KMT2C: variants seen among roughly 807,000 people sequenced by gnomAD.
KMT2C encodes histone-lysine N-methyltransferase 2C.
Under a neutral mutation model 507.9 loss-of-function variants are expected in KMT2C, and 88 were observed. The ratio of observed to expected loss-of-function variants is 0.17; its 90% CI spans 0.15 to 0.21. KMT2C has a LOEUF of 0.21. KMT2C is among the 10% of genes least tolerant of loss of function. KMT2C has a pLI of 1.00. For synonymous variants in KMT2C, 2,049 were observed against 2,080.8 expected (o/e 0.98, Z 0.42); for missense variants, 4,954 against 5,957.8 (o/e 0.83, Z 5.55).
At chr7:152,169,432 T>C (rs1468756680) in intron 40 of KMT2C, among the ~76,000 whole-genome samples, 183 bp from the exon 41 acceptor site, 6 of 152,220 alleles carry the variant, frequency 3.9e-5, no homozygotes, top group Non-Finnish European at 5.9e-5. Flanking sequence ...TAATTCTGAA[T>C]TCTTATTACT....
chr7:152,411,153 G>C (rs1427133189), intron 1 of KMT2C, among the ~76,000 whole-genome samples: 9 of 151,922 alleles, frequency 5.9e-5, no homozygotes, highest in African/African-American at 2.2e-4. Context: ...GTCTTTAACA[G>C]TACAATCCAA....
chr7:152,249,673 CAAAAAAAAAAAAAAAA>C (rs1183345172), intron 13 of KMT2C, among the ~76,000 whole-genome samples, 187 bp downstream of exon 13: 1 of 34,496 alleles, frequency 2.9e-5, no homozygotes, highest in Non-Finnish European at 7.3e-5. Flanking sequence ...CTCCCCCCTC[CAAAAAAAAAAAAAAAA>C]AAAAAAAAAA....
At chr7:152,367,025 T>C (rs1362422211) in intron 1 of KMT2C, 1 of 602,010 alleles carries the variant, frequency 1.7e-6, no homozygotes, top group Non-Finnish European at 2.9e-6. Flanking sequence ...CCTGGGCTCT[T>C]GCTCTTGCGG....
intron 1 of KMT2C, among the ~76,000 whole-genome samples, chr7:152,386,382 A>C (rs2097426770): frequency 6.6e-6 from 1 of 152,310 alleles, no homozygotes; most frequent in Non-Finnish European, 1.5e-5. Flanking sequence ...GGAGAGGTGA[A>C]AAGTGACTTG....
In KMT2C at chr7:152,290,284, ATATATATATATTTTTTTTTTTTTTT is replaced by A. The variant is rs1270071107; in HGVS notation, c.850-16442_850-16418del. Among the ~76,000 whole-genome samples the A allele has an allele frequency of 6.0e-3, 204 of 33,978 alleles. 2 individuals are homozygous for A. Among genetic ancestry groups the A allele is most frequent in the African/African-American group, 0.025 (189 of 7,496 alleles). 22.3% of individuals were successfully genotyped at this position (33,978 alleles called of 152,430 possible). The stretch of plus-strand genomic sequence containing the variant: ...TATATATATATATATATATATATAT[ATATATATATATTTTTTTTTTTTTTT>A]TTTTTTTTTTTTTTTGTCTGAGATG... On this transcript the variant is annotated intron_variant, in intron 6 of 58. Coordinates refer to ENST00000262189, the MANE Select transcript of KMT2C (RefSeq NM_170606.3).
intron 1 of KMT2C, among the ~76,000 whole-genome samples, chr7:152,361,606 G>A (rs978326807): frequency 6.6e-6 from 1 of 151,914 alleles, no homozygotes; most frequent in African/African-American, 2.4e-5. Flanking sequence ...AAATTTGATA[G>A]AAAACATTAA....
At chr7:152,141,953 T>G (rs530498797) in intron 55 of KMT2C, among the ~76,000 whole-genome samples, 16 of 149,010 alleles carry the variant, frequency 1.1e-4, no homozygotes, top group African/African-American at 3.5e-4. Flanking sequence ...GCCCAGGAGA[T>G]CGAAGCTGCA....
chr7:152,307,260 A>AGGAAGGACGGACGGAC (rs2096627574), intron 6 of KMT2C, among the ~76,000 whole-genome samples: 1 of 119,454 alleles, frequency 8.4e-6, no homozygotes, highest in Non-Finnish European at 1.7e-5. Context: ...GACGGTAGGA[A>AGGAAGGACGGACGGAC]GGAAGGAAGG....
chr7:152,169,334 A>G, intron 40 of KMT2C, 85 bp from the exon 41 acceptor site: 1 of 746,970 alleles, frequency 1.3e-6, no homozygotes, highest in Non-Finnish European at 2.3e-6. Flanking sequence ...AAAGAAAAAA[A>G]GAAATGGAAG....
intron 7 of KMT2C, among the ~76,000 whole-genome samples, chr7:152,270,073 T>C (rs1306794376): frequency 1.3e-5 from 2 of 152,212 alleles, no homozygotes; most frequent in Non-Finnish European, 2.9e-5. Context: ...CAAATCAGCA[T>C]TGCTTTCTAA....
At position 152,149,144 on chromosome 7, in the gene KMT2C, A is replaced by G. The variant is rs1217276168; in HGVS notation, c.12783T>C (p.Ile4261=). 6.9e-7 allele frequency: 1 copy of G among 1,459,422 alleles called. No homozygotes were observed. The highest frequency in any genetic ancestry group is 9.0e-7 in the Non-Finnish European group (1 of 1,107,310). 90.4% of individuals were successfully genotyped at this position (1,459,422 alleles called of 1,614,324 possible). ...TCATAGGTGATTGTGGCAATGAAGGAATGGATTCCTGGGCAACATAAAGAA... is the reference window on the plus strand; with the variant it reads ...TCATAGGTGATTGTGGCAATGAAGGGATGGATTCCTGGGCAACATAAAGAA... The part of the protein sequence containing the change: ...QAKNSENKES[I]PSLPQSPMRE... Residue 4261 remains isoleucine, a synonymous_variant, in exon 52 of 59, where the codon ATT becomes ATC. Coordinates refer to ENST00000262189, the MANE Select transcript of KMT2C (RefSeq NM_170606.3).
chr7:152,400,962 C>T (rs778525518), intron 1 of KMT2C, among the ~76,000 whole-genome samples: 1 of 151,814 alleles, frequency 6.6e-6, no homozygotes, highest in East Asian at 1.9e-4. Flanking sequence ...TAAAATGAAT[C>T]GTGAAAATAT....
intron 31 of KMT2C, among the ~76,000 whole-genome samples, chr7:152,190,475 T>G (rs538859917): frequency 2.0e-5 from 3 of 152,266 alleles, no homozygotes; most frequent in Non-Finnish European, 4.4e-5. Context: ...CCCACTGAAA[T>G]AGGTTATTAT....
chr7:152,434,905 T>C (rs1298199890), intron 1 of KMT2C, among the ~76,000 whole-genome samples: 1 of 152,084 alleles, frequency 6.6e-6, no homozygotes, highest in Non-Finnish European at 1.5e-5. Flanking sequence ...TATTCTGCCT[T>C]ACGAGGGGAC....
intron 2 of KMT2C, among the ~76,000 whole-genome samples, chr7:152,352,533 A>G (rs538271924): frequency 7.9e-5 from 12 of 152,208 alleles, no homozygotes; most frequent in Non-Finnish European, 1.8e-4. Flanking sequence ...ACCTACCAAC[A>G]TGTGATGTCT....
intron 27 of KMT2C, among the ~76,000 whole-genome samples, chr7:152,198,318 A>G (rs1256324181): frequency 1.3e-5 from 2 of 152,236 alleles, no homozygotes; most frequent in African/African-American, 4.8e-5. Context: ...AAAATCAAAA[A>G]TAGTTGTCAG....
At chr7:152,147,707 C>CAAAAAAAAAAAAAAAAAAAAAAA (rs762588729) in intron 52 of KMT2C, among the ~76,000 whole-genome samples, 1 of 46,734 alleles carries the variant, frequency 2.1e-5, no homozygotes, top group African/African-American at 7.9e-5. Flanking sequence ...AACTCCGTCT[C>CAAAAAAAAAAAAAAAAAAAAAAA]AAAAAAAAAA....
intron 6 of KMT2C, among the ~76,000 whole-genome samples, chr7:152,307,503 CAG>C (rs955535542): frequency 1.3e-5 from 2 of 152,180 alleles, no homozygotes; most frequent in East Asian, 1.9e-4. Context: ...AAAGATTTGA[CAG>C]AGTTACCACT....
chr7:152,195,872 A>G, intron 28 of KMT2C, 35 bp downstream of exon 28: 1 of 1,245,992 alleles, frequency 8.0e-7, no homozygotes, highest in South Asian at 1.3e-5. Flanking sequence ...CTCACATCAG[A>G]AACCAGAAAA....
Sources: allele counts gnomAD v4.1 joint callset (sites outside exome capture counted in the v4.1 genomes callset), GRCh38; gene constraint gnomAD v4.1.1; transcripts MANE v1.5; gene names NCBI Gene and HGNC (gene_info 2026-07-23, HGNC 2026-07-21).